The following KIF6 variants were observed in gnomAD, a reference collection of about 807,000 sequenced individuals.
The protein encoded by KIF6 is kinesin family member 6, also known as kinesin-like protein KIF6.
KIF6 carries 106 observed loss-of-function variants against 112.7 expected under a neutral mutation model. The ratio of observed to expected loss-of-function variants is 0.94; its 90% CI spans 0.80 to 1.11. The LOEUF (loss-of-function observed/expected upper bound fraction) is 1.11, where lower values mean the gene tolerates loss of function less well. Among genes scored for constraint, KIF6 ranks in the 50% least tolerant of loss-of-function variants. The probability of loss-of-function intolerance (pLI) is 0.00; values close to 1 mark genes in which losing one functional copy is unlikely to be tolerated. For missense variants in KIF6, 929 were observed against 964.0 expected (o/e 0.96, Z 0.48); for synonymous variants, 339 against 339.9 (o/e 1.00, Z 0.03).
At chr6:39,387,458 G>T (rs1767520968) in intron 15 of KIF6, among the ~76,000 whole-genome samples, 1 of 152,182 alleles carries the variant, frequency 6.6e-6, no homozygotes, top group South Asian at 2.1e-4. Flanking sequence ...CTGTGCCTTG[G>T]TTTCCATGTG....
At chr6:39,446,949 A>G (rs1174072430) in intron 13 of KIF6, among the ~76,000 whole-genome samples, 1 of 152,278 alleles carries the variant, frequency 6.6e-6, no homozygotes, top group Non-Finnish European at 1.5e-5. Flanking sequence ...AATGTGGAAT[A>G]TACTATAAAA....
chr6:39,568,177 T>A (rs944053819), intron 10 of KIF6, among the ~76,000 whole-genome samples: 1 of 152,076 alleles, frequency 6.6e-6, no homozygotes, highest in Non-Finnish European at 1.5e-5. Flanking sequence ...CAAAGGACAA[T>A]GAAACATTAA....
At chr6:39,512,944 T>C (rs761928024) in intron 13 of KIF6, among the ~76,000 whole-genome samples, 52 of 152,180 alleles carry the variant, frequency 3.4e-4, no homozygotes, top group Non-Finnish European at 6.3e-4. Flanking sequence ...TACCCCTGCC[T>C]CCAATTAGCT....
rs533688630 is a variant in KIF6 at position 39,457,049 on chromosome 6, C to A, written c.1646-25888G>T. ...TAGACATCTACAGAACTCTCCACCC[C>A]AAATCAACAGAATATACATTTTTTT... On this transcript the variant is annotated intron_variant, in intron 13 of 22. Transcript: ENST00000287152. Among the ~76,000 whole-genome samples, 110 of 139,290 alleles carry A rather than the reference C, an allele frequency of 7.9e-4. No individual in the cohort carries two copies. In the East Asian group the frequency reaches 8.2e-3, roughly 10 times the overall value. The allele number at this position is 139,290 out of a possible 152,430, so 91.4% of individuals were successfully genotyped here. A position where few individuals can be genotyped will look rare whatever the true frequency, so the allele number is the denominator to read the frequency against.
chr6:39,677,459 G>A (rs909333254), intron 3 of KIF6, among the ~76,000 whole-genome samples: 8 of 151,850 alleles, frequency 5.3e-5, no homozygotes, highest in African/African-American at 9.7e-5. Flanking sequence ...ATGGATAAAC[G>A]TGGAATATTG....
intron 5 of KIF6, among the ~76,000 whole-genome samples, chr6:39,633,253 A>C (rs1459900837): frequency 6.6e-6 from 1 of 152,126 alleles, no homozygotes; most frequent in Non-Finnish European, 1.5e-5. Context: ...TTTTCATCTG[A>C]ATCTAATCGA....
In KIF6 at chr6:39,584,290, G is replaced by A. The variant is rs192830462; in HGVS notation, c.1077+608C>T. Among the ~76,000 whole-genome samples the A allele has an allele frequency of 2.8e-4, 42 of 151,220 alleles. 1 individual carries two copies. The highest frequency in any genetic ancestry group is 1.8e-4 in the Non-Finnish European group (12 of 67,766). On this transcript the variant is annotated intron_variant, in intron 9 of 22. Transcript: ENST00000287152. ...ACAAAAGAAATTAGCTGGTTGTGGC[G>A]GCGTGTGTCTGTGGTCCCAGCTACT...
At chr6:39,680,619 AGAGAATG>A (rs1787457684) in intron 3 of KIF6, among the ~76,000 whole-genome samples, 3 of 152,214 alleles carry the variant, frequency 2.0e-5, no homozygotes, top group Non-Finnish European at 2.9e-5. Flanking sequence ...ACTAAAAGAG[AGAGAATG>A]CAGTTTAACA....
intron 13 of KIF6, among the ~76,000 whole-genome samples, chr6:39,473,983 T>C (rs1034190333): frequency 2.0e-5 from 3 of 152,178 alleles, no homozygotes; most frequent in African/African-American, 7.2e-5. Flanking sequence ...CCTACTTCTG[T>C]TCTTTATTTG....
intron 3 of KIF6, among the ~76,000 whole-genome samples, chr6:39,710,709 T>G (rs1403898552): frequency 6.6e-6 from 1 of 152,104 alleles, no homozygotes; most frequent in African/African-American, 2.4e-5. Context: ...AGGAGAACTA[T>G]GAATGGGAAG....
At chr6:39,550,412 G>T in intron 10 of KIF6, among the ~76,000 whole-genome samples, 1 of 152,200 alleles carries the variant, frequency 6.6e-6, no homozygotes, top group Non-Finnish European at 1.5e-5. Context: ...TGGGAGGGGA[G>T]CCTGGTGCTG....
intron 3 of KIF6, chr6:39,691,638 T>C (rs780316255): frequency 6.6e-5 from 10 of 152,162 alleles, no homozygotes; most frequent in Admixed American, 5.2e-4. Flanking sequence ...AAAAGCAAAA[T>C]GACTATTTAA....
intron 13 of KIF6, among the ~76,000 whole-genome samples, chr6:39,531,860 G>T (rs548666364): frequency 6.6e-6 from 1 of 152,264 alleles, no homozygotes; most frequent in Non-Finnish European, 1.5e-5. Context: ...TTGTCATGCA[G>T]TCTTAGTGTC....
Position 39,453,281 on chromosome 6 carries a change from G to A in KIF6, c.1646-22120C>T, listed in dbSNP as rs189452118. 1.2e-3 allele frequency among the ~76,000 whole-genome samples: 186 copies of A among 152,312 alleles called. 1 individual carries two copies. The highest frequency in any genetic ancestry group is 3.4e-3 in the Middle Eastern group (1 of 294). The stretch of plus-strand genomic sequence containing the variant: ...CAAATTTTATTCTCCGATGTCTGGG[G>A]TGTATTAACACTGCCCAGGACCACA... On this transcript the variant is annotated intron_variant, in intron 13 of 22. Coordinates refer to ENST00000287152, the MANE Select transcript of KIF6 (RefSeq NM_145027.6).
chr6:39,385,276 G>A (rs1296798805), intron 16 of KIF6, among the ~76,000 whole-genome samples: 2 of 152,176 alleles, frequency 1.3e-5, no homozygotes, highest in Non-Finnish European at 2.9e-5. Flanking sequence ...TTTCTGTTAG[G>A]ATTAGTTAGT....
At chr6:39,419,196 T>C (rs890970579) in intron 15 of KIF6, among the ~76,000 whole-genome samples, 1 of 151,362 alleles carries the variant, frequency 6.6e-6, no homozygotes, top group South Asian at 2.1e-4. Flanking sequence ...TCTACTAAAA[T>C]CACAAAAATT....
chr6:39,496,873 T>C (rs1037139979), intron 13 of KIF6, among the ~76,000 whole-genome samples: 1 of 152,252 alleles, frequency 6.6e-6, no homozygotes, highest in African/African-American at 2.4e-5. Context: ...AATTCCACTT[T>C]GATTTATAGC....
At chr6:39,450,011 T>G (rs1365494196) in intron 13 of KIF6, among the ~76,000 whole-genome samples, 1 of 152,194 alleles carries the variant, frequency 6.6e-6, no homozygotes, top group Non-Finnish European at 1.5e-5. Flanking sequence ...GTTTGTGGTT[T>G]GTTTGTTTTG....
intron 5 of KIF6, among the ~76,000 whole-genome samples, chr6:39,625,999 G>A (rs1213850784): frequency 6.6e-6 from 1 of 152,090 alleles, no homozygotes; most frequent in East Asian, 1.9e-4. Flanking sequence ...AGAGATGAAC[G>A]TCTGGTATAA....
Sources: allele counts gnomAD v4.1 joint callset (sites outside exome capture counted in the v4.1 genomes callset), GRCh38; gene constraint gnomAD v4.1.1; transcripts MANE v1.5; gene names NCBI Gene and HGNC (gene_info 2026-07-23, HGNC 2026-07-21).